Variants in CD27 observed in about 807,000 individuals in gnomAD.
CD27 encodes CD27 antigen.
A neutral mutation model predicts 25.9 loss-of-function variants in CD27; 16 were observed. The ratio of observed to expected loss-of-function variants is 0.62; its 90% CI spans 0.42 to 0.94. CD27 has a LOEUF of 0.94. CD27 is among the 40% of genes least tolerant of loss of function. The probability of loss-of-function intolerance (pLI) is 0.00; values close to 1 mark genes in which losing one functional copy is unlikely to be tolerated. For missense variants in CD27, 300 were observed against 333.2 expected (o/e 0.90, Z 0.78); for synonymous variants, 142 against 124.3 (o/e 1.14, Z -0.95).
chr12:6,445,120 C>T lies in CD27; in HGVS notation c.25C>T (p.Leu9=). 9.3e-6 allele frequency: 15 copies of T among 1,606,262 alleles called. No individual in the cohort carries two copies. The highest frequency in any genetic ancestry group is 1.3e-5 in the Non-Finnish European group (15 of 1,177,058). The change falls in exon 1 of 6, where the codon CTG becomes TTG. Residue 9 remains leucine (L), a synonymous_variant. Transcript: ENST00000266557. The surrounding 1 kb of genome is among the most constrained non-coding windows in gnomAD (Gnocchi z 4.5). The part of the protein sequence containing the change: MARPHPWW[L]CVLGTLVGLS... ...CATGGCACGGCCACATCCCTGGTGG[C>T]TGTGCGTTCTGGGGACCCTGGTGGG...
intron 2 of CD27, among the ~76,000 whole-genome samples, chr12:6,449,694 C>T (rs1323163481): frequency 1.3e-5 from 2 of 151,374 alleles, no homozygotes; most frequent in Non-Finnish European, 2.9e-5. Context: ...ACTAAAAATA[C>T]AAAAAATTAG....
Position 6,450,524 on chromosome 12 carries a change from T to C in CD27, c.449-17T>C. 1 of 1,611,396 alleles carries C rather than the reference T, an allele frequency of 6.2e-7. No individual in the cohort carries two copies. Among genetic ancestry groups the C allele is most frequent in the Non-Finnish European group, 8.5e-7 (1 of 1,178,202 alleles). On this transcript the variant is annotated splice_polypyrimidine_tract_variant and intron_variant, in intron 3 of 5. Coordinates refer to ENST00000266557, the MANE Select transcript of CD27 (RefSeq NM_001242.5). This position sits in a 1 kb window ranked among gnomAD's most constrained non-coding sequence, Gnocchi z 4.1. ...TGGGGTCCCCTGCTGCTACTCATTC[T>C]GTCTCTGTTTTTCCAGAGATGCTGG...
intron 5 of CD27, 52 bp from the exon 6 acceptor site, chr12:6,451,216 G>A (rs943278522): frequency 1.9e-6 from 3 of 1,596,594 alleles, no homozygotes; most frequent in Admixed American, 3.4e-5. Flanking sequence ...TCCTTCTCCC[G>A]TCTCCCCCTG....
chr12:6,451,323 G>A lies in CD27; in HGVS notation c.714G>A (p.Arg238=), dbSNP rs770816422. The A allele has an allele frequency of 1.7e-4, 273 of 1,613,238 alleles. No homozygotes were observed. The highest frequency in any genetic ancestry group is 2.2e-4 in the Non-Finnish European group (262 of 1,179,370). ...PAEPCHYSCP[R]EEEGSTIPIQ... is the part of the protein sequence containing the mutation. The stretch of plus-strand genomic sequence containing the variant: ...AGCCTTGTCATTACAGCTGCCCCAG[G>A]GAGGAGGAGGGCAGCACCATCCCCA... The change falls in exon 6 of 6, where the codon AGG becomes AGA. Residue 238 remains arginine, a synonymous_variant. Transcript: ENST00000266557.
At chr12:6,446,800 A>AC (rs59349573) in intron 2 of CD27, among the ~76,000 whole-genome samples, 48 of 150,094 alleles carry the variant, frequency 3.2e-4, no homozygotes, top group South Asian at 4.2e-4. Flanking sequence ...ACACACACAC[A>AC]AAAAGCCAGA....
chr12:6,445,236 G>C lies in CD27; in HGVS notation c.136+5G>C, dbSNP rs763774879. 6.2e-7 allele frequency: 1 copy of C among 1,614,080 alleles called. No individual in the cohort carries two copies. The highest frequency in any genetic ancestry group is 8.5e-7 in the Non-Finnish European group (1 of 1,180,000). On this transcript the variant is annotated splice_donor_5th_base_variant and intron_variant, in intron 1 of 5. Transcript: ENST00000266557. This position sits in a 1 kb window ranked among gnomAD's most constrained non-coding sequence, Gnocchi z 4.5. Reference sequence around the variant, plus strand: ...GCTGCCAGATGTGTGAGCCAGGTAAGAGGGGGCCTTGGTAAGGGCCAGGTG... The same window carrying C: ...GCTGCCAGATGTGTGAGCCAGGTAACAGGGGGCCTTGGTAAGGGCCAGGTG...
intron 2 of CD27, chr12:6,448,566 C>G (rs368591904): frequency 6.6e-6 from 1 of 152,214 alleles, no homozygotes; most frequent in Non-Finnish European, 1.5e-5. Flanking sequence ...GAGATTGAGA[C>G]CATCCTGGCT....
chr12:6,445,112 C>G lies in CD27; in HGVS notation c.17C>G (p.Pro6Arg). 1.2e-6 allele frequency: 2 copies of G among 1,606,484 alleles called. No homozygotes were observed. The highest frequency in any genetic ancestry group is 2.2e-5 in the East Asian group (1 of 44,652). MARPH[P>R]WWLCVLGTLV... ...GCAGGGACCATGGCACGGCCACATC[C>G]CTGGTGGCTGTGCGTTCTGGGGACC... Residue 6 changes from proline to arginine, a missense_variant, in exon 1 of 6, where the codon CCC (proline) becomes CGC (arginine). Physicochemically the swap from Pro to Arg is moderately radical, Grantham distance 103 (BLOSUM62 -2). Transcript: ENST00000266557. This position sits in a 1 kb window ranked among gnomAD's most constrained non-coding sequence, Gnocchi z 4.5.
chr12:6,447,308 T>C (rs1321650797), intron 2 of CD27: 1 of 152,176 alleles, frequency 6.6e-6, no homozygotes, highest in African/African-American at 2.4e-5. Context: ...CTTCGCCCCA[T>C]ACTGAGCCCA....
Position 6,445,237 on chromosome 12 carries a change from A to AG in CD27, c.136+11dup, listed in dbSNP as rs747125906. 29 of 1,613,970 alleles carry AG rather than the reference A, an allele frequency of 1.8e-5. No homozygotes were observed. The highest frequency in any genetic ancestry group is 8.9e-5 in the East Asian group (4 of 44,882). On this transcript the variant is annotated splice_region_variant and intron_variant, in intron 1 of 5. Coordinates refer to ENST00000266557, the MANE Select transcript of CD27 (RefSeq NM_001242.5). This position sits in a 1 kb window ranked among gnomAD's most constrained non-coding sequence, Gnocchi z 4.5. ...CTGCCAGATGTGTGAGCCAGGTAAG[A>AG]GGGGGCCTTGGTAAGGGCCAGGTGA... is the stretch of plus-strand genomic sequence containing the variant.
rs549507398 is a variant in CD27, at chr12:6,451,596, G to A, written c.*204G>A. ...ATGAGGTGGAGAGTGGGAAGCAGGA[G>A]CCCAGCCAGCTGCGCCTGCGCTGCA... On this transcript the variant is annotated 3_prime_UTR_variant, in exon 6 of 6. Transcript: ENST00000266557. 159 of 547,578 alleles carry A rather than the reference G, an allele frequency of 2.9e-4. No individual in the cohort carries two copies. In the South Asian group the frequency reaches 4.7e-3, roughly 16 times the overall value. 33.9% of individuals were successfully genotyped at this position (547,578 alleles called of 1,614,324 possible). A position where few individuals can be genotyped will look rare whatever the true frequency, so the allele number is the denominator to read the frequency against.
chr12:6,445,130 T>C lies in CD27; in HGVS notation c.35T>C (p.Leu12Pro). 1 of 1,607,388 alleles carries C rather than the reference T, an allele frequency of 6.2e-7. No homozygotes were observed. The highest frequency in any genetic ancestry group is 1.1e-5 in the South Asian group (1 of 90,116). ...ARPHPWWLCV[L>P]GTLVGLSATP... is the part of the protein sequence containing the mutation. ...CCACATCCCTGGTGGCTGTGCGTTC[T>C]GGGGACCCTGGTGGGGCTCTCAGCT... The change falls in exon 1 of 6, where the codon CTG (leucine) becomes CCG (proline). Residue 12 changes from leucine (L) to proline (P), a missense_variant. Coordinates refer to ENST00000266557, the MANE Select transcript of CD27 (RefSeq NM_001242.5). This position sits in a 1 kb window ranked among gnomAD's most constrained non-coding sequence, Gnocchi z 4.5.
chr12:6,446,151 C>T (rs1034117524), intron 2 of CD27, among the ~76,000 whole-genome samples: 7 of 152,290 alleles, frequency 4.6e-5, no homozygotes, highest in African/African-American at 1.7e-4. Context: ...TCAGAAACTA[C>T]GGCCAGTATA....
Position 6,451,292 on chromosome 12 carries a change from C to T in CD27, c.683C>T (p.Pro228Leu), listed in dbSNP as rs1484066021. 35 of 1,613,920 alleles carry T rather than the reference C, an allele frequency of 2.2e-5. No homozygotes were observed. The highest frequency in any genetic ancestry group is 2.8e-5 in the Non-Finnish European group (33 of 1,179,958). Residue 228 changes from proline (P) to leucine (L), a missense_variant, in exon 6 of 6, where the codon CCT becomes CTT. Coordinates refer to ENST00000266557, the MANE Select transcript of CD27 (RefSeq NM_001242.5). ...RSNKGESPVE[P>L]AEPCHYSCPR... is the part of the protein sequence containing the mutation. ...GACAAAGGAGAAAGTCCTGTGGAGC[C>T]TGCAGAGCCTTGTCATTACAGCTGC...
In CD27 at chr12:6,450,941, C is replaced by T; in HGVS notation, c.585C>T (p.Ile195=). 1 of 1,614,110 alleles carries T rather than the reference C, an allele frequency of 6.2e-7. No individual in the cohort carries two copies. Among genetic ancestry groups the T allele is most frequent in the Non-Finnish European group, 8.5e-7 (1 of 1,179,972 alleles). The change falls in exon 5 of 6, where the codon ATC becomes ATT. Residue 195 remains isoleucine (I), a synonymous_variant. Coordinates refer to ENST00000266557, the MANE Select transcript of CD27 (RefSeq NM_001242.5). This position sits in a 1 kb window ranked among gnomAD's most constrained non-coding sequence, Gnocchi z 4.1. Reference sequence around the variant, plus strand: ...CCGATTTTATTCGCATCCTTGTGATCTTCTCTGGAATGTTCCTTGTTTTCA... The same window carrying T: ...CCGATTTTATTCGCATCCTTGTGATTTTCTCTGGAATGTTCCTTGTTTTCA... ...CSSDFIRILV[I]FSGMFLVFTL...
rs1259951366 is a variant in CD27, at chr12:6,445,110, T to G, written c.15T>G (p.His5Gln). ...GGGCAGGGACCATGGCACGGCCACA[T>G]CCCTGGTGGCTGTGCGTTCTGGGGA... MARP[H>Q]PWWLCVLGTL... Residue 5 changes from histidine to glutamine, a missense_variant, in exon 1 of 6, where the codon CAT becomes CAG. Physicochemically the swap from His to Gln is conservative, Grantham distance 24. Transcript: ENST00000266557. The surrounding 1 kb of genome is among the most constrained non-coding windows in gnomAD (Gnocchi z 4.5). 4 of 1,606,302 alleles carry G rather than the reference T, an allele frequency of 2.5e-6. No homozygotes were observed. Among genetic ancestry groups the G allele is most frequent in the Middle Eastern group, 1.8e-4 (1 of 5,628 alleles).
In CD27 at chr12:6,445,408, T is replaced by G; in HGVS notation, c.137-16T>G. 1 of 1,614,042 alleles carries G rather than the reference T, an allele frequency of 6.2e-7. No homozygotes were observed. The highest frequency in any genetic ancestry group is 8.5e-7 in the Non-Finnish European group (1 of 1,179,954). ...CAGCCCTTCTCAGGCCTTGATCCCT[T>G]ACCCTCTCCTCCCAGGAACATTCCT... On this transcript the variant is annotated splice_polypyrimidine_tract_variant and intron_variant, in intron 1 of 5. Transcript: ENST00000266557. The surrounding 1 kb of genome is among the most constrained non-coding windows in gnomAD (Gnocchi z 4.5).
chr12:6,447,458 G>C (rs1171586212), intron 2 of CD27: 1 of 152,132 alleles, frequency 6.6e-6, no homozygotes, highest in Non-Finnish European at 1.5e-5. Flanking sequence ...TGAGAAGATG[G>C]GTGGGCTGAA....
chr12:6,450,070 C>A lies in CD27; in HGVS notation c.269-103C>A. Reference sequence around the variant, plus strand: ...TGGGAATGGAAAGGGAAGCACGTCCCTAGAGGTGGGCCTGGGATGGGGGTT... The same window carrying A: ...TGGGAATGGAAAGGGAAGCACGTCCATAGAGGTGGGCCTGGGATGGGGGTT... On this transcript the variant is annotated intron_variant, in intron 2 of 5. Coordinates refer to ENST00000266557, the MANE Select transcript of CD27 (RefSeq NM_001242.5). The surrounding 1 kb of genome is among the most constrained non-coding windows in gnomAD (Gnocchi z 4.1). 9.7e-7 allele frequency: 1 copy of A among 1,034,404 alleles called. No homozygotes were observed. The highest frequency in any genetic ancestry group is 1.4e-6 in the Non-Finnish European group (1 of 703,528). 64.1% of individuals were successfully genotyped at this position (1,034,404 alleles called of 1,614,324 possible). A position where few individuals can be genotyped will look rare whatever the true frequency, so the allele number is the denominator to read the frequency against.
Sources: gnomAD v4.1 joint callset for allele counts (sites outside exome capture counted in the v4.1 genomes callset) on GRCh38, gnomAD v4.1.1 for gene constraint, Gnocchi (gnomAD v3.1) non-coding constraint, MANE v1.5 for transcripts, NCBI Gene and HGNC (gene_info 2026-07-23, HGNC 2026-07-21) for gene names.